DFFA: variants seen among roughly 807,000 people sequenced by gnomAD.
DFFA encodes the protein DFF45.
In DFFA, 14 loss-of-function variants were observed where a neutral mutation model predicts 28.0. That is an observed-to-expected ratio of 0.50 (90% CI 0.33 to 0.78). The LOEUF (loss-of-function observed/expected upper bound fraction) is 0.78, where lower values mean the gene tolerates loss of function less well. Ranked by LOEUF, DFFA falls within the 30% of genes least tolerant of loss-of-function variation. The pLI is 0.02. For synonymous variants in DFFA, 158 were observed against 170.3 expected, an observed-to-expected ratio of 0.93 and a Z score of 0.56; for missense variants, 395 against 407.1, an observed-to-expected ratio of 0.97 and a Z score of 0.26.
chr1:10,462,196 G>A (rs906738051), intron 5 of DFFA, among the ~76,000 whole-genome samples: 4 of 151,536 alleles, frequency 2.6e-5, no homozygotes, highest in Non-Finnish European at 5.9e-5. Flanking sequence ...CACTCTTGTC[G>A]CCCAGGCTGG....
chr1:10,469,960 C>G (rs1274269763), intron 1 of DFFA, among the ~76,000 whole-genome samples: 1 of 151,558 alleles, frequency 6.6e-6, no homozygotes, highest in Admixed American at 6.6e-5. Flanking sequence ...GGACTACAGG[C>G]ACCGGCCACC....
chr1:10,463,004 T>C, intron 5 of DFFA, 54 bp downstream of exon 5: 1 of 1,610,014 alleles, frequency 6.2e-7, no homozygotes, highest in Non-Finnish European at 8.5e-7. Flanking sequence ...ATGATACTAC[T>C]ACATCCCAGG....
Position 10,462,695 on chromosome 1 carries a change from T to C in DFFA, c.783+363A>G, listed in dbSNP as rs1449062407. ...GGCGACGATCCCCTCAAGTTTGCCTTTTCCTGTGACATTGACAGACCTCAG... is the reference window on the plus strand; with the variant it reads ...GGCGACGATCCCCTCAAGTTTGCCTCTTCCTGTGACATTGACAGACCTCAG... On this transcript the variant is annotated intron_variant, in intron 5 of 5. Transcript: ENST00000377038. 5 of 1,051,920 alleles carry C rather than the reference T, an allele frequency of 4.8e-6. No individual in the cohort carries two copies. The African/African-American group carries it at 8.2e-5, about 17-fold the overall frequency. The allele number at this position is 1,051,920 out of a possible 1,614,324, so 65.2% of individuals were successfully genotyped here.
intron 1 of DFFA, among the ~76,000 whole-genome samples, chr1:10,471,515 T>C (rs1010361078): frequency 3.9e-5 from 6 of 152,174 alleles, no homozygotes; most frequent in African/African-American, 9.7e-5. Flanking sequence ...TGGCTGTTCA[T>C]GGGTCTCTGA....
At chr1:10,463,387 C>G in intron 4 of DFFA, 44 bp downstream of exon 4, 1 of 1,574,870 alleles carries the variant, frequency 6.3e-7, no homozygotes, top group Non-Finnish European at 8.6e-7. Context: ...ACGCCTCCAT[C>G]AGCCCTGAAT....
rs756474659 is a variant in DFFA, at chr1:10,461,132, G to C, written c.*358C>G. ...TCACCATGTTAGCCAGGATGGTCTC[G>C]ATCTCCTGACTTCACGATCCGCCCC... On this transcript the variant is annotated 3_prime_UTR_variant, in exon 6 of 6. Transcript: ENST00000377038. 30 of 187,396 alleles carry C rather than the reference G, an allele frequency of 1.6e-4. No individual in the cohort carries two copies. Among genetic ancestry groups the C allele is most frequent in the African/African-American group, 2.3e-4 (10 of 43,370 alleles). 11.6% of individuals were successfully genotyped at this position (187,396 alleles called of 1,614,324 possible). A position where few individuals can be genotyped will look rare whatever the true frequency, so the allele number is the denominator to read the frequency against.
intron 1 of DFFA, among the ~76,000 whole-genome samples, chr1:10,471,091 T>G (rs1641092722): frequency 6.6e-6 from 1 of 151,536 alleles, no homozygotes; most frequent in African/African-American, 2.4e-5. Context: ...AGAAAATGCT[T>G]TTTGTTCTTT....
Position 10,456,714 on chromosome 1 carries a change from G to A in DFFA, c.*4776C>T, listed in dbSNP as rs894863360. 6 of 152,116 alleles carry A rather than the reference G, an allele frequency of 3.9e-5. No individual in the cohort carries two copies. Among genetic ancestry groups the A allele is most frequent in the Admixed American group, 6.5e-5 (1 of 15,270 alleles). 9.4% of individuals were successfully genotyped at this position (152,116 alleles called of 1,614,324 possible). A position where few individuals can be genotyped will look rare whatever the true frequency, so the allele number is the denominator to read the frequency against. Reference sequence around the variant, plus strand: ...TAAAGGTTGGTAAGTGGTAATTAGCGTAGCTCCTGTCAAAGCCAGTTGCCT... The same window carrying A: ...TAAAGGTTGGTAAGTGGTAATTAGCATAGCTCCTGTCAAAGCCAGTTGCCT... On this transcript the variant is annotated 3_prime_UTR_variant, in exon 6 of 6. Transcript: ENST00000377038.
chr1:10,466,377 G>A (rs1409043136), intron 3 of DFFA, among the ~76,000 whole-genome samples: 1 of 151,822 alleles, frequency 6.6e-6, no homozygotes, highest in Non-Finnish European at 1.5e-5. Flanking sequence ...TTTTAGTAGA[G>A]ATGGGGTTTT....
Position 10,456,801 on chromosome 1 carries a change from A to G in DFFA, c.*4689T>C, listed in dbSNP as rs1640867718. ...GAATATGGCTAATGTAAAGTTCATT[A>G]GTCCCAGCTGCTTTCTTTGACATTC... is the stretch of plus-strand genomic sequence containing the variant. On this transcript the variant is annotated 3_prime_UTR_variant, in exon 6 of 6. Transcript: ENST00000377038. 6.6e-6 allele frequency: 1 copy of G among 152,214 alleles called. No homozygotes were observed. Among genetic ancestry groups the G allele is most frequent in the Admixed American group, 6.6e-5 (1 of 15,262 alleles). The allele number at this position is 152,214 out of a possible 1,614,324, so 9.4% of individuals were successfully genotyped here.
At chr1:10,463,656 G>A in intron 3 of DFFA, 36 bp from the exon 4 acceptor site, 1 of 1,568,312 alleles carries the variant, frequency 6.4e-7, no homozygotes, top group South Asian at 1.2e-5. Flanking sequence ...AAATCTACAG[G>A]GACTTTCTGA....
Position 10,463,167 on chromosome 1 carries a change from G to C in DFFA, c.674C>G (p.Thr225Arg), listed in dbSNP as rs766637969. The stretch of plus-strand genomic sequence containing the variant: ...CGAGGAGGTCTCTCTGCTGATACCC[G>C]TGTCTACTGCATCCACCTCCTCACC... Reference protein sequence around the residue: ...AFGEEVDAVDTGISRETSSDV... With the variant: ...AFGEEVDAVDRGISRETSSDV... Residue 225 changes from threonine to arginine, a missense_variant, in exon 5 of 6, where the codon ACG (threonine) becomes AGG (arginine). By Grantham distance (71) the Thr-to-Arg change is moderately conservative. Transcript: ENST00000377038. The C allele has an allele frequency of 5.6e-6, 9 of 1,614,014 alleles. No homozygotes were observed. The highest frequency in any genetic ancestry group is 7.6e-6 in the Non-Finnish European group (9 of 1,180,034).
Position 10,463,070 on chromosome 1 carries a change from A to G in DFFA, c.771T>C (p.Ser257=). The change falls in exon 5 of 6, where the codon AGT becomes AGC. Residue 257 remains serine (S), a synonymous_variant. Transcript: ENST00000377038. ...GGTTTCCGCCCACCTCCAAATCCTG[A>G]CTAGATAAGCTCAGCTCTGGAGCCT... The part of the protein sequence containing the change: ...EKQAPELSLS[S]QDLELVTKED... 1 of 1,614,084 alleles carries G rather than the reference A, an allele frequency of 6.2e-7. No homozygotes were observed. The highest frequency in any genetic ancestry group is 8.5e-7 in the Non-Finnish European group (1 of 1,180,024).
chr1:10,462,019 T>A (rs1330842186), intron 5 of DFFA: 2 of 228,918 alleles, frequency 8.7e-6, no homozygotes, highest in Non-Finnish European at 1.4e-5. Context: ...CACGCCTGGC[T>A]AATTTTTTTG....
intron 4 of DFFA, 32 bp from the exon 5 acceptor site, chr1:10,463,241 G>A (rs1354954231): frequency 7.5e-6 from 12 of 1,604,808 alleles, no homozygotes; most frequent in African/African-American, 5.3e-5. Flanking sequence ...GAGATCAGAC[G>A]TGGTGTGACC....
At chr1:10,469,128 T>C (rs774955448) in intron 2 of DFFA, 49 bp downstream of exon 2, 20 of 1,558,548 alleles carry the variant, frequency 1.3e-5, no homozygotes, top group Non-Finnish European at 1.5e-5. Flanking sequence ...GTAATCATGA[T>C]GGATGCTGTA....
At chr1:10,463,917 G>A (rs1017329574) in intron 3 of DFFA, among the ~76,000 whole-genome samples, 1 of 151,828 alleles carries the variant, frequency 6.6e-6, no homozygotes, top group South Asian at 2.1e-4. Context: ...CACCCGCCTT[G>A]GCCTCCCAAA....
In DFFA at chr1:10,456,868, A is replaced by T. The variant is rs1053550281; in HGVS notation, c.*4622T>A. The T allele has an allele frequency of 6.6e-6, 1 of 151,994 alleles. No homozygotes were observed. The highest frequency in any genetic ancestry group is 1.5e-5 in the Non-Finnish European group (1 of 68,008). 9.4% of individuals were successfully genotyped at this position (151,994 alleles called of 1,614,324 possible). On this transcript the variant is annotated 3_prime_UTR_variant, in exon 6 of 6. Coordinates refer to ENST00000377038, the MANE Select transcript of DFFA (RefSeq NM_004401.3). ...GAACGGGCATGCCCTGCCCTCTCTC[A>T]CTCCTATTTTTAGACGTATTGCTGC...
In DFFA at chr1:10,472,252, G is replaced by C; in HGVS notation, c.136+71C>G. 1.4e-6 allele frequency: 2 copies of C among 1,454,152 alleles called. No individual in the cohort carries two copies. The highest frequency in any genetic ancestry group is 1.8e-6 in the Non-Finnish European group (2 of 1,093,050). 90.1% of individuals were successfully genotyped at this position (1,454,152 alleles called of 1,614,324 possible). On this transcript the variant is annotated intron_variant, in intron 1 of 5. Coordinates refer to ENST00000377038, the MANE Select transcript of DFFA (RefSeq NM_004401.3). This position sits in a 1 kb window ranked among gnomAD's most constrained non-coding sequence, Gnocchi z 5.0. ...TCCCCAAGTCGCCTCTCCTGACCCC[G>C]CCTCGCCCCCGCCGGACGTCCTCAC...
Sources: gnomAD v4.1 joint callset for allele counts (sites outside exome capture counted in the v4.1 genomes callset) on GRCh38, gnomAD v4.1.1 for gene constraint, Gnocchi (gnomAD v3.1) non-coding constraint, MANE v1.5 for transcripts, NCBI Gene and HGNC (gene_info 2026-07-23, HGNC 2026-07-21) for gene names.